Variants in EYS observed in about 807,000 individuals in gnomAD.
EYS encodes EGF-like photoreceptor maintenance factor.
In EYS, 250 loss-of-function variants were observed where a neutral mutation model predicts 282.1. The observed-to-expected ratio is 0.89, with a 90% CI of 0.80 to 0.98. The LOEUF (loss-of-function observed/expected upper bound fraction) is 0.98, where lower values mean the gene tolerates loss of function less well. Among genes scored for constraint, EYS ranks in the 50% least tolerant of loss-of-function variants. EYS has a pLI of 0.00. For missense variants in EYS, 4,016 were observed against 3,709.0 expected, an observed-to-expected ratio of 1.08 and a Z score of -2.15; for synonymous variants, 1,355 against 1,282.9, an observed-to-expected ratio of 1.06 and a Z score of -1.20.
chr6:65,028,351 C>A lies in EYS; in HGVS notation c.2137+29263G>T, dbSNP rs150347290. On this transcript the variant is annotated intron_variant, in intron 13 of 42. Coordinates refer to ENST00000503581, the MANE Select transcript of EYS (RefSeq NM_001142800.2). ...TATATTATCTATATCATATATAATT[C>A]TTTTTGTGAAACATTTTAGAGGAAG... Among the ~76,000 whole-genome samples, 124 of 151,648 alleles carry A rather than the reference C, an allele frequency of 8.2e-4. 1 individual carries two copies. Among genetic ancestry groups the A allele is most frequent in the African/African-American group, 2.8e-3 (116 of 41,438 alleles).
chr6:64,946,320 G>A (rs899548928), intron 14 of EYS, among the ~76,000 whole-genome samples: 4 of 151,868 alleles, frequency 2.6e-5, no homozygotes, highest in African/African-American at 9.7e-5. Flanking sequence ...TATAAATAAG[G>A]AAACTTTTGA....
At chr6:64,985,582 CA>C (rs1770832180) in intron 14 of EYS, among the ~76,000 whole-genome samples, 1 of 151,152 alleles carries the variant, frequency 6.6e-6, no homozygotes, top group Admixed American at 6.6e-5. Flanking sequence ...ACCTTTTTTA[CA>C]AAAAGATAAG....
At chr6:64,743,397 T>C (rs901500407) in intron 22 of EYS, among the ~76,000 whole-genome samples, 4 of 152,108 alleles carry the variant, frequency 2.6e-5, no homozygotes, top group Non-Finnish European at 5.9e-5. Context: ...TAAATGAAAG[T>C]CTATATTTGG....
At position 64,822,767 on chromosome 6, in the gene EYS, A is replaced by G. The variant is rs1290138021; in HGVS notation, c.3048T>C (p.Asp1016=). The part of the protein sequence containing the change: ...DECLSEPCLH[D]GVCIDGINHY... ...GATTGATGCCATCGATACAAACTCC[A>G]TCATGGAGACAGGGCTCTGATAGGC... is the stretch of plus-strand genomic sequence containing the variant. Residue 1016 remains aspartate (D), a synonymous_variant, in exon 20 of 43, where the codon GAT becomes GAC. Transcript: ENST00000503581. 1.3e-6 allele frequency: 2 copies of G among 1,550,148 alleles called. No individual in the cohort carries two copies. Among genetic ancestry groups the G allele is most frequent in the Admixed American group, 2.0e-5 (1 of 50,880 alleles).
chr6:63,792,681 T>C (rs1770547867), intron 37 of EYS, among the ~76,000 whole-genome samples: 1 of 151,942 alleles, frequency 6.6e-6, no homozygotes, highest in Non-Finnish European at 1.5e-5. Context: ...ATCCTAGAAA[T>C]ATTTTTTAAC....
intron 22 of EYS, among the ~76,000 whole-genome samples, chr6:64,661,262 T>C (rs1204222885): frequency 6.6e-6 from 1 of 152,160 alleles, no homozygotes; most frequent in Non-Finnish European, 1.5e-5. Flanking sequence ...ACTTACATGT[T>C]AGACCTGAAA....
At chr6:63,861,973 A>G (rs959542877) in intron 36 of EYS, among the ~76,000 whole-genome samples, 8 of 152,216 alleles carry the variant, frequency 5.3e-5, no homozygotes, top group Admixed American at 5.2e-4. Flanking sequence ...TGCACCAGCT[A>G]CAGCAGTATC....
At chr6:65,650,515 G>C (rs1767616755) in intron 1 of EYS, among the ~76,000 whole-genome samples, 1 of 152,130 alleles carries the variant, frequency 6.6e-6, no homozygotes, top group Admixed American at 6.6e-5. Context: ...TATTGCAATG[G>C]TTATTTCAGA....
At chr6:64,895,861 C>A (rs1562247511) in intron 18 of EYS, among the ~76,000 whole-genome samples, 1 of 151,918 alleles carries the variant, frequency 6.6e-6, no homozygotes, top group Non-Finnish European at 1.5e-5. Context: ...AGAACATAAT[C>A]TTAATTATTT....
chr6:64,495,315 C>T (rs1776855535), intron 26 of EYS, among the ~76,000 whole-genome samples: 1 of 151,706 alleles, frequency 6.6e-6, no homozygotes, highest in South Asian at 2.1e-4. Flanking sequence ...GTTATATACG[C>T]TTTTTAGTCA....
chr6:64,418,515 G>A (rs770959255), intron 28 of EYS, among the ~76,000 whole-genome samples: 7 of 152,162 alleles, frequency 4.6e-5, no homozygotes, highest in African/African-American at 7.2e-5. Flanking sequence ...CCAGAGACCA[G>A]TGTGATCAGA....
intron 26 of EYS, among the ~76,000 whole-genome samples, chr6:64,553,634 G>A (rs996768369): frequency 7.3e-6 from 1 of 136,962 alleles, no homozygotes; most frequent in African/African-American, 2.7e-5. Context: ...GCTTTAAATA[G>A]CATAAGGTGC....
chr6:65,434,413 C>T (rs986832676), intron 5 of EYS, among the ~76,000 whole-genome samples: 16 of 151,844 alleles, frequency 1.1e-4, no homozygotes, highest in Non-Finnish European at 1.9e-4. Context: ...CTCTGCCTCC[C>T]ACGTTCACGC....
chr6:64,687,614 C>T (rs1469530154), intron 22 of EYS, among the ~76,000 whole-genome samples: 10 of 152,106 alleles, frequency 6.6e-5, no homozygotes, highest in African/African-American at 1.7e-4. Flanking sequence ...CGGCTGGATT[C>T]GGTTTGCCAG....
intron 11 of EYS, chr6:65,331,761 C>T (rs890708102): frequency 1.0e-6 from 1 of 973,626 alleles, no homozygotes; most frequent in African/African-American, 1.8e-5. Context: ...TTCTATGTGT[C>T]TTTTGTGGCT....
At chr6:65,179,018 A>C (rs1007350530) in intron 12 of EYS, among the ~76,000 whole-genome samples, 7 of 152,132 alleles carry the variant, frequency 4.6e-5, no homozygotes, top group Non-Finnish European at 1.0e-4. Flanking sequence ...ACCAATGAGA[A>C]CAAAGACACA....
chr6:64,021,968 A>G (rs1769213491), intron 33 of EYS, among the ~76,000 whole-genome samples: 1 of 152,184 alleles, frequency 6.6e-6, no homozygotes, highest in Non-Finnish European at 1.5e-5. Context: ...ATAGCAAAGT[A>G]TTTCATTGTA....
chr6:64,837,617 T>C (rs2812784), intron 19 of EYS, among the ~76,000 whole-genome samples: 80,947 of 146,172 alleles, frequency 0.55, 23,175 homozygotes, highest in Non-Finnish European at 0.62. Context: ...ATATGATATA[T>C]GATATGTATA....
At chr6:65,420,868 A>G (rs1367485746) in intron 5 of EYS, among the ~76,000 whole-genome samples, 1 of 151,862 alleles carries the variant, frequency 6.6e-6, no homozygotes, top group Non-Finnish European at 1.5e-5. Flanking sequence ...ATATCTTGAA[A>G]GGAATATTTT....
Sources: gnomAD v4.1 joint callset for allele counts (sites outside exome capture counted in the v4.1 genomes callset) on GRCh38, gnomAD v4.1.1 for gene constraint, MANE v1.5 for transcripts, NCBI Gene and HGNC (gene_info 2026-07-23, HGNC 2026-07-21) for gene names.